Variants in OCA2 observed in about 807,000 individuals in gnomAD.
OCA2 encodes the protein P protein.
Under a neutral mutation model 100.2 loss-of-function variants are expected in OCA2, and 77 were observed. The observed-to-expected ratio is 0.77, with a 90% CI of 0.64 to 0.93. The LOEUF is 0.93. Ranked by LOEUF, OCA2 falls within the 40% of genes least tolerant of loss-of-function variation. The probability of loss-of-function intolerance (pLI) is 0.00; values close to 1 mark genes in which losing one functional copy is unlikely to be tolerated. For synonymous variants in OCA2, 432 were observed against 439.2 expected (o/e 0.98, Z 0.21); for missense variants, 1,062 against 1,089.1 (o/e 0.98, Z 0.35).
At chr15:27,880,844 CCTTT>C (rs2036984859) in intron 19 of OCA2, among the ~76,000 whole-genome samples, 1 of 151,762 alleles carries the variant, frequency 6.6e-6, no homozygotes, top group Non-Finnish European at 1.5e-5. Context: ...TTTGAATACA[CCTTT>C]CTTTCTCTTG....
intron 9 of OCA2, among the ~76,000 whole-genome samples, chr15:28,011,311 T>G (rs1046697330): frequency 2.0e-5 from 3 of 151,762 alleles, no homozygotes; most frequent in Non-Finnish European, 4.4e-5. Context: ...CAAAAAAAAT[T>G]TTAAAACTTA....
chr15:27,807,636 G>A (rs966750711), intron 23 of OCA2, among the ~76,000 whole-genome samples: 5 of 152,188 alleles, frequency 3.3e-5, no homozygotes, highest in African/African-American at 1.2e-4. Context: ...TTGCACTGAG[G>A]TAGGTTGCAC....
At chr15:28,065,424 T>C (rs2043995113) in intron 2 of OCA2, among the ~76,000 whole-genome samples, 1 of 152,298 alleles carries the variant, frequency 6.6e-6, no homozygotes, top group African/African-American at 2.4e-5. Context: ...TCTCTGACAG[T>C]ATCTTCAAGC....
At position 27,998,944 on chromosome 15, in the gene OCA2, C is replaced by T. The variant is rs1465164222; in HGVS notation, c.1045-8297G>A. Among the ~76,000 whole-genome samples the T allele has an allele frequency of 1.6e-3, 233 of 144,082 alleles. 1 individual carries two copies. The highest frequency in any genetic ancestry group is 7.0e-3 in the Middle Eastern group (2 of 284). 94.5% of individuals were successfully genotyped at this position (144,082 alleles called of 152,430 possible). A position where few individuals can be genotyped will look rare whatever the true frequency, so the allele number is the denominator to read the frequency against. On this transcript the variant is annotated intron_variant, in intron 9 of 23. Transcript: ENST00000354638. ...AATCATCATTCTCAGTAAACTATCG[C>T]AAGGACAAAAAACCAAACACCGCAT...
chr15:27,936,108 G>C (rs545562998), intron 18 of OCA2, among the ~76,000 whole-genome samples: 57 of 152,346 alleles, frequency 3.7e-4, no homozygotes, highest in African/African-American at 1.3e-3. Context: ...AATAGACCAA[G>C]TAAGATCACA....
At chr15:28,007,856 TC>T (rs2042132079) in intron 9 of OCA2, among the ~76,000 whole-genome samples, 1 of 152,128 alleles carries the variant, frequency 6.6e-6, no homozygotes, top group Admixed American at 6.5e-5. Flanking sequence ...AATAATTTCA[TC>T]CCATCAAGCT....
chr15:27,955,275 G>A, intron 16 of OCA2, 60 bp from the exon 17 acceptor site: 4 of 1,238,552 alleles, frequency 3.2e-6, no homozygotes, highest in South Asian at 1.2e-5. Flanking sequence ...TGAGATCGCG[G>A]AGCAGCAGTC....
intron 23 of OCA2, among the ~76,000 whole-genome samples, chr15:27,762,078 G>A (rs1330102970): frequency 1.3e-5 from 2 of 152,196 alleles, no homozygotes; most frequent in Non-Finnish European, 2.9e-5. Flanking sequence ...AGGGGTATAA[G>A]TGCAGTTTCG....
intron 1 of OCA2, among the ~76,000 whole-genome samples, chr15:28,091,270 C>CA (rs955975127): frequency 1.3e-5 from 2 of 152,176 alleles, no homozygotes; most frequent in Admixed American, 6.5e-5. Context: ...CAATTCTATA[C>CA]AATCTCTTCC....
At chr15:27,854,649 T>C (rs1280757875) in intron 21 of OCA2, among the ~76,000 whole-genome samples, 1 of 152,230 alleles carries the variant, frequency 6.6e-6, no homozygotes, top group Non-Finnish European at 1.5e-5. Context: ...GCGATTATCA[T>C]AGAGGCACCT....
At chr15:27,769,447 A>C (rs569152181) in intron 23 of OCA2, among the ~76,000 whole-genome samples, 1 of 152,164 alleles carries the variant, frequency 6.6e-6, no homozygotes, top group East Asian at 1.9e-4. Flanking sequence ...TTCCAAAAGA[A>C]GTGTCTGCTA....
chr15:27,996,857 C>T (rs2041743988), intron 9 of OCA2, among the ~76,000 whole-genome samples: 1 of 151,980 alleles, frequency 6.6e-6, no homozygotes, highest in South Asian at 2.1e-4. Flanking sequence ...TTCTACCAAA[C>T]ATTTAAAGAA....
At chr15:27,802,829 C>A (rs1019031774) in intron 23 of OCA2, among the ~76,000 whole-genome samples, 2 of 151,984 alleles carry the variant, frequency 1.3e-5, no homozygotes, top group East Asian at 3.9e-4. Context: ...TAAAAGAAAA[C>A]ACAGAAGAAA....
intron 6 of OCA2, among the ~76,000 whole-genome samples, chr15:28,020,732 G>A (rs1212262594): frequency 6.6e-6 from 1 of 152,188 alleles, no homozygotes; most frequent in Non-Finnish European, 1.5e-5. Context: ...ATACAAACAC[G>A]TGCACACGCA....
chr15:27,980,407 G>A (rs1002175407), intron 14 of OCA2, among the ~76,000 whole-genome samples: 26 of 152,200 alleles, frequency 1.7e-4, no homozygotes, highest in African/African-American at 5.3e-4. Context: ...GATTACAGGC[G>A]TGAGCCACCG....
intron 23 of OCA2, among the ~76,000 whole-genome samples, chr15:27,806,364 T>G (rs2033847638): frequency 6.6e-6 from 1 of 152,226 alleles, no homozygotes; most frequent in African/African-American, 2.4e-5. Context: ...ATGTGTAAAG[T>G]GCACAAGATG....
At chr15:27,720,955 G>A in the OCA2 span, among the ~76,000 whole-genome samples, 41 of 152,230 alleles carry the variant, frequency 2.7e-4, 2 homozygotes, top group Admixed American at 1.8e-3. Context: ...AAGCTCCTGC[G>A]TGAGTTCATG....
intron 23 of OCA2, among the ~76,000 whole-genome samples, chr15:27,760,803 T>C (rs1394440533): frequency 2.0e-5 from 3 of 152,040 alleles, no homozygotes; most frequent in East Asian, 1.9e-4. Flanking sequence ...AAAAAGAAAA[T>C]TGTAAGGCCA....
At chr15:27,764,403 A>G (rs908400154) in intron 23 of OCA2, among the ~76,000 whole-genome samples, 5 of 152,206 alleles carry the variant, frequency 3.3e-5, no homozygotes, top group African/African-American at 4.8e-5. Context: ...AAGAGCCCTT[A>G]TCTCATAAAG....
Sources: gnomAD v4.1 joint callset for allele counts (sites outside exome capture counted in the v4.1 genomes callset) on GRCh38, gnomAD v4.1.1 for gene constraint, MANE v1.5 for transcripts, NCBI Gene and HGNC (gene_info 2026-07-23, HGNC 2026-07-21) for gene names.